Variants in SLC2A13 observed in about 807,000 individuals in gnomAD.
The protein encoded by SLC2A13 is solute carrier family 2 member 13.
A neutral mutation model predicts 64.4 loss-of-function variants in SLC2A13; 32 were observed. The observed-to-expected ratio is 0.50, with a 90% CI of 0.37 to 0.67. The LOEUF (loss-of-function observed/expected upper bound fraction) is 0.67, where lower values mean the gene tolerates loss of function less well. Ranked by LOEUF, SLC2A13 falls within the 30% of genes least tolerant of loss-of-function variation. SLC2A13 has a pLI of 0.00. For synonymous variants in SLC2A13, 338 were observed against 327.1 expected (o/e 1.03, Z -0.36); for missense variants, 743 against 829.2 (o/e 0.90, Z 1.28).
At chr12:39,800,403 AAAAC>A (rs1342389057) in intron 7 of SLC2A13, among the ~76,000 whole-genome samples, 12 of 151,106 alleles carry the variant, frequency 7.9e-5, no homozygotes, top group Admixed American at 4.0e-4. Flanking sequence ...TTACAAGAAA[AAAAC>A]AAACAACCCC....
At chr12:40,066,408 G>T (rs944858713) in intron 1 of SLC2A13, among the ~76,000 whole-genome samples, 3 of 152,168 alleles carry the variant, frequency 2.0e-5, no homozygotes, top group Non-Finnish European at 2.9e-5. Context: ...CACTTTTAAA[G>T]AAAGCGATAA....
intron 3 of SLC2A13, among the ~76,000 whole-genome samples, chr12:39,980,238 A>T (rs1240995616): frequency 2.0e-5 from 3 of 152,224 alleles, no homozygotes; most frequent in Admixed American, 6.5e-5. Context: ...TGTAAAGACC[A>T]TCGAGACTAG....
intron 2 of SLC2A13, among the ~76,000 whole-genome samples, chr12:40,044,464 T>C (rs764273928): frequency 3.3e-5 from 5 of 152,170 alleles, no homozygotes; most frequent in Non-Finnish European, 7.4e-5. Flanking sequence ...ATGAGTTGAA[T>C]GGTGCATGAA....
chr12:39,788,195 T>C, intron 7 of SLC2A13, among the ~76,000 whole-genome samples: 1 of 152,150 alleles, frequency 6.6e-6, no homozygotes, highest in Non-Finnish European at 1.5e-5. Context: ...TGCTGTGTCA[T>C]TTTCCTACAT....
intron 1 of SLC2A13, among the ~76,000 whole-genome samples, chr12:40,057,346 T>C (rs1303706048): frequency 2.0e-5 from 3 of 152,186 alleles, no homozygotes; most frequent in Admixed American, 6.5e-5. Flanking sequence ...GGAAACATCC[T>C]ATACAATTTT....
At chr12:40,095,977 C>G (rs1250678065) in intron 1 of SLC2A13, among the ~76,000 whole-genome samples, 2 of 152,170 alleles carry the variant, frequency 1.3e-5, no homozygotes, top group Non-Finnish European at 2.9e-5. Flanking sequence ...CTCTGTCGCC[C>G]AGGCTGGAGT....
At chr12:39,903,500 T>G (rs183395324) in intron 4 of SLC2A13, among the ~76,000 whole-genome samples, 12 of 151,976 alleles carry the variant, frequency 7.9e-5, no homozygotes, top group Non-Finnish European at 1.0e-4. Context: ...GGCCCTGTGT[T>G]TTTGGGAAGA....
intron 6 of SLC2A13, among the ~76,000 whole-genome samples, chr12:39,840,362 C>T (rs1202872127): frequency 6.6e-6 from 1 of 152,030 alleles, no homozygotes; most frequent in African/African-American, 2.4e-5. Flanking sequence ...TCTACACTGC[C>T]TCAAATCTAA....
At chr12:40,095,727 T>A (rs551478174) in intron 1 of SLC2A13, among the ~76,000 whole-genome samples, 1 of 152,338 alleles carries the variant, frequency 6.6e-6, no homozygotes, top group East Asian at 1.9e-4. Flanking sequence ...ACAAATGAAC[T>A]GCAAGAGCAC....
At chr12:39,858,756 GC>G (rs1163138879) in intron 6 of SLC2A13, among the ~76,000 whole-genome samples, 1 of 152,056 alleles carries the variant, frequency 6.6e-6, no homozygotes, top group Non-Finnish European at 1.5e-5. Flanking sequence ...ATAGGAGCCT[GC>G]CACCACACTT....
chr12:40,006,417 C>G (rs780423903), intron 3 of SLC2A13, among the ~76,000 whole-genome samples: 2 of 152,094 alleles, frequency 1.3e-5, no homozygotes, highest in Non-Finnish European at 2.9e-5. Context: ...ATATGAATCT[C>G]TATCAAAGAG....
chr12:39,846,642 G>A (rs1943321455), intron 6 of SLC2A13, among the ~76,000 whole-genome samples: 1 of 152,020 alleles, frequency 6.6e-6, no homozygotes, highest in African/African-American at 2.4e-5. Flanking sequence ...TGGAGAAATG[G>A]GATTTTGCCA....
intron 6 of SLC2A13, among the ~76,000 whole-genome samples, chr12:39,843,660 T>G (rs1398900291): frequency 1.3e-5 from 2 of 152,062 alleles, no homozygotes; most frequent in African/African-American, 4.8e-5. Context: ...TGCTCAACTC[T>G]CCAGCTCTAT....
chr12:39,980,180 A>C (rs1946861686), intron 3 of SLC2A13, among the ~76,000 whole-genome samples: 1 of 151,748 alleles, frequency 6.6e-6, no homozygotes, highest in Admixed American at 6.6e-5. Flanking sequence ...GAAGCGCTAA[A>C]CATGGAAAGG....
chr12:39,981,302 G>A (rs1946889109), intron 3 of SLC2A13, among the ~76,000 whole-genome samples: 1 of 151,662 alleles, frequency 6.6e-6, no homozygotes, highest in African/African-American at 2.4e-5. Flanking sequence ...AAAGCTAGCA[G>A]AAGGCAAGAA....
intron 7 of SLC2A13, among the ~76,000 whole-genome samples, chr12:39,794,753 G>A (rs1056277360): frequency 6.6e-6 from 1 of 152,164 alleles, no homozygotes. Flanking sequence ...CCTGATTTGC[G>A]AATCATTCTT....
At chr12:39,915,088 C>T (rs1945501509) in intron 4 of SLC2A13, among the ~76,000 whole-genome samples, 1 of 151,640 alleles carries the variant, frequency 6.6e-6, no homozygotes, top group South Asian at 2.1e-4. Flanking sequence ...GAGAAATGAC[C>T]AAAGCATATG....
rs2135713878 is a variant in SLC2A13, at chr12:39,764,837, G to GA, written c.1466dup (p.Lys490GlnfsTer45). On this transcript the variant is annotated frameshift_variant, in exon 8 of 10. Coordinates refer to ENST00000280871, the MANE Select transcript of SLC2A13 (RefSeq NM_052885.4). LOFTEE classifies it high-confidence loss of function. ...AAGCCCAAAATATATCTTCTGTTTTGAACTTGGTTTCATTTTCACACCTGA... is the reference window on the plus strand; with the variant it reads ...AAGCCCAAAATATATCTTCTGTTTTGAAACTTGGTTTCATTTTCACACCTGA... 6.2e-7 allele frequency: 1 copy of GA among 1,612,096 alleles called. No homozygotes were observed. Among genetic ancestry groups the GA allele is most frequent in the South Asian group, 1.1e-5 (1 of 90,956 alleles).
At chr12:40,079,223 A>T (rs777981226) in intron 1 of SLC2A13, among the ~76,000 whole-genome samples, 1 of 152,134 alleles carries the variant, frequency 6.6e-6, no homozygotes, top group Non-Finnish European at 1.5e-5. Flanking sequence ...TGGGTTGTTA[A>T]TCTGAGCTCT....
Sources: gnomAD v4.1 joint callset for allele counts (sites outside exome capture counted in the v4.1 genomes callset) on GRCh38, gnomAD v4.1.1 for gene constraint, MANE v1.5 for transcripts, NCBI Gene and HGNC (gene_info 2026-07-23, HGNC 2026-07-21) for gene names.